FAM83A: variants seen among roughly 807,000 people sequenced by gnomAD.
FAM83A encodes scaffolding CK1 anchoring protein A, also known as protein FAM83A.
A neutral mutation model predicts 24.4 loss-of-function variants in FAM83A; 21 were observed. The observed-to-expected ratio is 0.86, with a 90% CI of 0.61 to 1.24. The LOEUF (loss-of-function observed/expected upper bound fraction) is 1.24, where lower values mean the gene tolerates loss of function less well. Among genes scored for constraint, FAM83A ranks in the 50% most tolerant of loss-of-function variants. The probability of loss-of-function intolerance (pLI) is 0.00; values close to 1 mark genes in which losing one functional copy is unlikely to be tolerated. For synonymous variants in FAM83A, 270 were observed against 252.4 expected, an observed-to-expected ratio of 1.07 and a Z score of -0.66; for missense variants, 617 against 579.8, an observed-to-expected ratio of 1.06 and a Z score of -0.66.
At chr8:123,181,767 C>A (rs1216278344), upstream of FAM83A, 2 of 308,062 alleles carry the variant, frequency 6.5e-6, no homozygotes, top group Non-Finnish European at 1.3e-5. Context: ...TGCTCCTCAA[C>A]TTCACCTGGC....
At chr8:123,203,242 C>G (rs1824419763) in intron 3 of FAM83A, among the ~76,000 whole-genome samples, 1 of 148,802 alleles carries the variant, frequency 6.7e-6, no homozygotes, top group Non-Finnish European at 1.5e-5. Flanking sequence ...AAGCAGTGAC[C>G]ATAAAAGTTT....
upstream of FAM83A, chr8:123,182,135 C>G (rs1173434825): frequency 2.2e-6 from 1 of 456,252 alleles, no homozygotes. Flanking sequence ...GGCCTGAGAA[C>G]TGGAACCTCT....
rs113095518 is a variant in FAM83A, at chr8:123,209,774, G to A, written c.*2086G>A. ...CATCAGCAGTCTCCCCTCCGTGGTC[G>A]TCTTTGTTGACAAAGGTGCAGTTTC... On this transcript the variant is annotated 3_prime_UTR_variant, in exon 4 of 4. Coordinates refer to ENST00000690554, the Ensembl canonical transcript of FAM83A. The surrounding 1 kb of genome is among the most constrained non-coding windows in gnomAD (Gnocchi z 4.7). 2.1e-3 allele frequency: 1,167 copies of A among 565,074 alleles called. 12 individuals are homozygous for A. The highest frequency in any genetic ancestry group is 0.019 in the African/African-American group (998 of 53,440). 35.0% of individuals were successfully genotyped at this position (565,074 alleles called of 1,614,324 possible).
chr8:123,190,336 A>C (rs887985670), intron 1 of FAM83A, among the ~76,000 whole-genome samples: 15 of 152,000 alleles, frequency 9.9e-5, no homozygotes, highest in Non-Finnish European at 2.2e-4. Context: ...ATCTCGGCTC[A>C]CTGCAACCTC....
At chr8:123,193,930 T>C in intron 2 of FAM83A, 94 bp from the exon 3 acceptor site, 1 of 1,491,160 alleles carries the variant, frequency 6.7e-7, no homozygotes, top group Non-Finnish European at 9.1e-7. Flanking sequence ...CAACACAGAA[T>C]GGGGGTAAAG....
At chr8:123,192,957 C>T (rs551003796) in intron 2 of FAM83A, 9 of 152,432 alleles carry the variant, frequency 5.9e-5, no homozygotes, top group African/African-American at 2.2e-4. Flanking sequence ...CAAGATCTCA[C>T]AGAGCTATGG....
upstream of FAM83A, chr8:123,182,053 CGT>C (rs1823610358): frequency 4.4e-6 from 2 of 456,186 alleles, no homozygotes; most frequent in African/African-American, 2.0e-5. Context: ...CCCCTGGGCT[CGT>C]GGGCCGCCGG....
At chr8:123,195,181 A>G (rs1040833499) in intron 3 of FAM83A, among the ~76,000 whole-genome samples, 1 of 152,198 alleles carries the variant, frequency 6.6e-6, no homozygotes, top group African/African-American at 2.4e-5. Flanking sequence ...GCAACTGGTT[A>G]CATCTTTTCT....
chr8:123,207,413 C>T, exon 4 of FAM83A: 2 of 1,610,488 alleles, frequency 1.2e-6, no homozygotes, highest in Non-Finnish European at 1.7e-6. Flanking sequence ...AGGCAGCCAC[C>T]CCGGTACCCG....
exon 4 of FAM83A, chr8:123,207,964 C>G: frequency 8.2e-7 from 1 of 1,219,152 alleles, no homozygotes; most frequent in Non-Finnish European, 1.0e-6. Context: ...AAACAGAGTC[C>G]CTGTCTTCCA....
chr8:123,205,015 A>C (rs895969089), intron 3 of FAM83A, among the ~76,000 whole-genome samples: 1 of 151,800 alleles, frequency 6.6e-6, no homozygotes, highest in African/African-American at 2.4e-5. Flanking sequence ...CTGGAGACTG[A>C]GGCAGAGAAT....
intron 3 of FAM83A, among the ~76,000 whole-genome samples, chr8:123,204,163 A>G (rs1824460977): frequency 6.6e-6 from 1 of 152,062 alleles, no homozygotes; most frequent in Non-Finnish European, 1.5e-5. Flanking sequence ...CTGTAATCTC[A>G]GCACTTCGGG....
exon 4 of FAM83A, chr8:123,207,972 C>A: frequency 8.3e-7 from 1 of 1,211,888 alleles, no homozygotes; most frequent in South Asian, 4.2e-5. Flanking sequence ...TCCCTGTCTT[C>A]CAGAGATCAT....
intron 3 of FAM83A, among the ~76,000 whole-genome samples, chr8:123,205,595 TGGGCTGG>T (rs930938785): frequency 1.3e-5 from 2 of 152,028 alleles, no homozygotes; most frequent in African/African-American, 4.8e-5. Context: ...GCAAGACAGG[TGGGCTGG>T]GGGCTGGGGG....
At chr8:123,187,285 G>T (rs1230953232) in intron 1 of FAM83A, among the ~76,000 whole-genome samples, 1 of 152,140 alleles carries the variant, frequency 6.6e-6, no homozygotes, top group Non-Finnish European at 1.5e-5. Context: ...AGCATGGTGT[G>T]GGGGATCCCT....
At chr8:123,182,560 A>C, upstream of FAM83A, 1 of 599,680 alleles carries the variant, frequency 1.7e-6, no homozygotes, top group Non-Finnish European at 3.1e-6. Context: ...AGGAGAGGAA[A>C]TATCCCATGG....
intron 1 of FAM83A, among the ~76,000 whole-genome samples, chr8:123,186,423 C>T (rs978768638): frequency 2.0e-5 from 3 of 147,860 alleles, no homozygotes; most frequent in African/African-American, 4.9e-5. Flanking sequence ...CCTCAGCCCC[C>T]GAGCGGAGCC....
At chr8:123,182,242 C>A, upstream of FAM83A, 4 of 401,930 alleles carry the variant, frequency 1.0e-5, no homozygotes, top group South Asian at 7.1e-5. Context: ...TTGGGTGTGA[C>A]CAAGGAGAGG....
intron 1 of FAM83A, among the ~76,000 whole-genome samples, chr8:123,187,304 TGGGGCCCTTTCA>T (rs1823835336): frequency 6.6e-6 from 1 of 152,246 alleles, no homozygotes; most frequent in Admixed American, 6.5e-5. Flanking sequence ...CTGAGGTCCC[TGGGGCCCTTTCA>T]GCGGCCGTAA....
Sources: gnomAD v4.1 joint callset for allele counts (sites outside exome capture counted in the v4.1 genomes callset) on GRCh38, gnomAD v4.1.1 for gene constraint, Gnocchi (gnomAD v3.1) non-coding constraint, MANE v1.5 for transcripts, NCBI Gene and HGNC (gene_info 2026-07-23, HGNC 2026-07-21) for gene names.